Variants in PCDH15 observed in about 807,000 individuals in gnomAD.
PCDH15 encodes the protein protocadherin-15.
In PCDH15, 129 loss-of-function variants were observed where a neutral mutation model predicts 178.5. The observed-to-expected ratio is 0.72, with a 90% CI of 0.63 to 0.84. The LOEUF is 0.84. PCDH15 is among the 40% of genes least tolerant of loss of function. PCDH15 has a pLI of 0.00. For missense variants in PCDH15, 2,230 were observed against 2,099.9 expected (o/e 1.06, Z -1.21); for synonymous variants, 800 against 732.0 (o/e 1.09, Z -1.50).
intron 2 of PCDH15, among the ~76,000 whole-genome samples, chr10:54,614,365 G>A (rs1000953490): frequency 6.6e-6 from 1 of 151,948 alleles, no homozygotes; most frequent in Non-Finnish European, 1.5e-5. Flanking sequence ...ACAAATGAGA[G>A]AGGTAAAAGC....
intron 1 of PCDH15, among the ~76,000 whole-genome samples, chr10:55,236,730 T>C (rs928388029): frequency 2.6e-5 from 4 of 152,048 alleles, no homozygotes; most frequent in African/African-American, 9.7e-5. Flanking sequence ...ATCAAAACTA[T>C]ACATATGATG....
intron 3 of PCDH15, among the ~76,000 whole-genome samples, chr10:54,502,583 G>C (rs1180717330): frequency 1.3e-5 from 2 of 152,042 alleles, no homozygotes; most frequent in Admixed American, 1.3e-4. Context: ...TGTCTCTACA[G>C]CCTAATATCA....
At chr10:55,576,878 T>C (rs1466982834) in intron 2 of PCDH15, among the ~76,000 whole-genome samples, 1 of 152,240 alleles carries the variant, frequency 6.6e-6, no homozygotes, top group Non-Finnish European at 1.5e-5. Flanking sequence ...TTCATTGTAA[T>C]GTCAAACTAT....
intron 2 of PCDH15, among the ~76,000 whole-genome samples, chr10:55,135,804 G>A (rs1197944411): frequency 2.0e-5 from 3 of 151,640 alleles, no homozygotes; most frequent in African/African-American, 7.3e-5. Flanking sequence ...GGCTGGTCTT[G>A]AACTCCTGAC....
At chr10:53,951,964 CTGGA>C (rs2087102761) in intron 23 of PCDH15, among the ~76,000 whole-genome samples, 1 of 151,936 alleles carries the variant, frequency 6.6e-6, no homozygotes, top group Non-Finnish European at 1.5e-5. Flanking sequence ...AAGCCAGTGG[CTGGA>C]TCTGGTGCAC....
chr10:55,323,057 T>C (rs1843945750), upstream of PCDH15, among the ~76,000 whole-genome samples: 1 of 152,162 alleles, frequency 6.6e-6, no homozygotes, highest in Non-Finnish European at 1.5e-5. Flanking sequence ...AGGGGCCAAC[T>C]TGAAGCTCAG....
rs113592028 is a variant in PCDH15 at position 54,263,762 on chromosome 10, G to C, written c.877-26831C>G. 2.0e-4 allele frequency among the ~76,000 whole-genome samples: 3 copies of C among 15,266 alleles called. No individual in the cohort carries two copies. The Admixed American group carries it at 2.2e-3, about 11-fold the overall frequency. 10.0% of individuals were successfully genotyped at this position (15,266 alleles called of 152,430 possible). A position where few individuals can be genotyped will look rare whatever the true frequency, so the allele number is the denominator to read the frequency against. ...AAAGCCCTGTGATGGTTAATATTGAGTGTCAACTTGATTGTATTAAAGGAT... is the reference window on the plus strand; with the variant it reads ...AAAGCCCTGTGATGGTTAATATTGACTGTCAACTTGATTGTATTAAAGGAT... On this transcript the variant is annotated intron_variant, in intron 8 of 37. Transcript: ENST00000644397.
chr10:54,673,428 T>C (rs1411338045), intron 1 of PCDH15, among the ~76,000 whole-genome samples: 1 of 152,122 alleles, frequency 6.6e-6, no homozygotes, highest in Admixed American at 6.6e-5. Flanking sequence ...AGGAAACATA[T>C]AACTTTTTTT....
At chr10:55,321,058 G>A (rs1025353491), upstream of PCDH15, among the ~76,000 whole-genome samples, 1 of 151,680 alleles carries the variant, frequency 6.6e-6, no homozygotes, top group African/African-American at 2.4e-5. Context: ...CACTACATAG[G>A]AGATGAAAGA....
chr10:55,496,272 T>C (rs1840531843), intron 2 of PCDH15, among the ~76,000 whole-genome samples: 1 of 151,634 alleles, frequency 6.6e-6, no homozygotes, highest in African/African-American at 2.4e-5. Flanking sequence ...AGAAATGTGA[T>C]CCAAAAAATA....
At chr10:55,256,312 G>C (rs1355728750) in intron 1 of PCDH15, among the ~76,000 whole-genome samples, 1 of 152,156 alleles carries the variant, frequency 6.6e-6, no homozygotes, top group African/African-American at 2.4e-5. Flanking sequence ...GCAGAAGACG[G>C]GTGATTTCTG....
intron 15 of PCDH15, among the ~76,000 whole-genome samples, chr10:54,129,410 A>G (rs1270596777): frequency 6.6e-6 from 1 of 152,226 alleles, no homozygotes; most frequent in Non-Finnish European, 1.5e-5. Flanking sequence ...TTGTTATTAG[A>G]AAAACATTTC....
At chr10:53,959,276 T>G (rs886359378) in intron 23 of PCDH15, among the ~76,000 whole-genome samples, 22 of 150,556 alleles carry the variant, frequency 1.5e-4, no homozygotes, top group African/African-American at 5.1e-4. Flanking sequence ...ACACACTATA[T>G]ATATACACAT....
chr10:54,721,305 A>C (rs139509664), intron 1 of PCDH15, among the ~76,000 whole-genome samples: 2 of 152,004 alleles, frequency 1.3e-5, no homozygotes, highest in East Asian at 3.9e-4. Flanking sequence ...GTAACATCCA[A>C]ATTTTGCACC....
chr10:55,007,498 A>C (rs1003377372), intron 2 of PCDH15, among the ~76,000 whole-genome samples: 12 of 152,240 alleles, frequency 7.9e-5, no homozygotes, highest in African/African-American at 2.9e-4. Context: ...AAAATGTTTA[A>C]CATGAATTTA....
intron 8 of PCDH15, among the ~76,000 whole-genome samples, chr10:54,262,704 G>T (rs2057401189): frequency 1.0e-5 from 1 of 96,922 alleles, no homozygotes; most frequent in Non-Finnish European, 2.4e-5. Flanking sequence ...GAAGAATGTG[G>T]TATGGGTTCT....
chr10:54,641,575 GCAAACACCA>G, intron 2 of PCDH15, among the ~76,000 whole-genome samples: 1 of 142,620 alleles, frequency 7.0e-6, no homozygotes, highest in East Asian at 2.0e-4. Flanking sequence ...GTACACATAT[GCAAACACCA>G]CACACACACA....
At chr10:54,545,902 C>T (rs1286047843) in intron 2 of PCDH15, among the ~76,000 whole-genome samples, 2 of 152,160 alleles carry the variant, frequency 1.3e-5, no homozygotes, top group Non-Finnish European at 2.9e-5. Flanking sequence ...CGGATAGGGT[C>T]TACCTTGGAA....
intron 2 of PCDH15, among the ~76,000 whole-genome samples, chr10:55,328,957 A>G (rs1844118157): frequency 7.1e-6 from 1 of 140,090 alleles, no homozygotes; most frequent in South Asian, 2.2e-4. Flanking sequence ...TATAAAATAT[A>G]TAATATGGGG....
Sources: gnomAD v4.1 joint callset for allele counts (sites outside exome capture counted in the v4.1 genomes callset) on GRCh38, gnomAD v4.1.1 for gene constraint, MANE v1.5 for transcripts, NCBI Gene and HGNC (gene_info 2026-07-23, HGNC 2026-07-21) for gene names.